CDK14: variants seen among roughly 807,000 people sequenced by gnomAD.
CDK14 encodes cyclin dependent kinase 14.
A neutral mutation model predicts 60.7 loss-of-function variants in CDK14; 34 were observed. The observed-to-expected ratio is 0.56, with a 90% CI of 0.43 to 0.75. CDK14 has a LOEUF of 0.75. Among genes scored for constraint, CDK14 ranks in the 30% least tolerant of loss-of-function variants. The pLI is 0.00. For synonymous variants in CDK14, 197 were observed against 203.7 expected, an observed-to-expected ratio of 0.97 and a Z score of 0.28; for missense variants, 482 against 564.1, an observed-to-expected ratio of 0.85 and a Z score of 1.47.
chr7:90,952,915 T>A (rs1794303957), intron 8 of CDK14, among the ~76,000 whole-genome samples: 1 of 152,230 alleles, frequency 6.6e-6, no homozygotes, highest in African/African-American at 2.4e-5. Flanking sequence ...TGTATAAACA[T>A]ATAGCAATAT....
chr7:90,869,875 T>C (rs766753095), intron 6 of CDK14, among the ~76,000 whole-genome samples: 8 of 152,208 alleles, frequency 5.3e-5, no homozygotes, highest in Non-Finnish European at 1.2e-4. Context: ...GTCTCTTGCT[T>C]TGCTGGCCTT....
intron 2 of CDK14, among the ~76,000 whole-genome samples, chr7:90,660,407 G>A (rs1800845321): frequency 6.6e-6 from 1 of 152,068 alleles, no homozygotes; most frequent in South Asian, 2.1e-4. Context: ...CTGTAAGATG[G>A]GAATAATAAT....
Position 90,788,189 on chromosome 7 carries a change from G to A in CDK14, c.465-2384G>A, listed in dbSNP as rs752670479. 5.1e-4 allele frequency among the ~76,000 whole-genome samples: 77 copies of A among 152,150 alleles called. 2 individuals carry two copies. The highest frequency in any genetic ancestry group is 9.8e-4 in the Admixed American group (15 of 15,264). On this transcript the variant is annotated intron_variant, in intron 4 of 14. Coordinates refer to ENST00000380050, the MANE Select transcript of CDK14 (RefSeq NM_001287135.2). ...TTTTATGGGTGAGGGGAAAATATCT[G>A]TAAATGAGGGGAAAATTCCAAGCAG...
chr7:91,182,540 A>C (rs1443886091), intron 14 of CDK14, among the ~76,000 whole-genome samples: 1 of 152,034 alleles, frequency 6.6e-6, no homozygotes, highest in East Asian at 1.9e-4. Flanking sequence ...CTTAATGGAA[A>C]GTAAAACATA....
chr7:90,859,208 C>T (rs73401829), intron 5 of CDK14, among the ~76,000 whole-genome samples: 3,374 of 152,248 alleles, frequency 0.022, 116 homozygotes, highest in African/African-American at 0.076. Context: ...CCTTCCCCAC[C>T]GATCAGTTAT....
At chr7:91,095,855 C>T (rs542715585) in intron 12 of CDK14, among the ~76,000 whole-genome samples, 17 of 151,872 alleles carry the variant, frequency 1.1e-4, no homozygotes, top group Middle Eastern at 3.4e-3. Context: ...TTTCTACTTT[C>T]CCAAAATTAT....
intron 14 of CDK14, among the ~76,000 whole-genome samples, chr7:91,183,471 T>C (rs1047191355): frequency 6.6e-6 from 1 of 152,300 alleles, no homozygotes; most frequent in Admixed American, 6.5e-5. Context: ...GACTGGCAGG[T>C]CTTTGCTTTT....
At chr7:90,717,706 C>A (rs1402790524) in intron 2 of CDK14, among the ~76,000 whole-genome samples, 1 of 152,028 alleles carries the variant, frequency 6.6e-6, no homozygotes, top group Non-Finnish European at 1.5e-5. Flanking sequence ...AATGTAGTTT[C>A]TCAGGACTAA....
intron 10 of CDK14, among the ~76,000 whole-genome samples, chr7:90,989,673 A>G (rs1795476912): frequency 6.6e-6 from 1 of 152,070 alleles, no homozygotes; most frequent in African/African-American, 2.4e-5. Flanking sequence ...AAAATACTGA[A>G]CGCTAAGAGT....
intron 4 of CDK14, among the ~76,000 whole-genome samples, chr7:90,749,687 C>T (rs1390046530): frequency 6.6e-6 from 1 of 152,214 alleles, no homozygotes; most frequent in African/African-American, 2.4e-5. Context: ...ACTTACACTC[C>T]TGGATTAGGA....
At chr7:91,131,085 G>GT (rs746418453) in intron 14 of CDK14, among the ~76,000 whole-genome samples, 2 of 150,882 alleles carry the variant, frequency 1.3e-5, no homozygotes, top group African/African-American at 4.9e-5. Flanking sequence ...GTGTTCTTTA[G>GT]TTTTTTATTT....
At chr7:90,851,773 T>TG (rs1204657172) in intron 5 of CDK14, among the ~76,000 whole-genome samples, 3 of 122,208 alleles carry the variant, frequency 2.5e-5, no homozygotes, top group Non-Finnish European at 5.7e-5. Flanking sequence ...CTTGAATACC[T>TG]GTTTTTTTTT....
At chr7:91,024,719 C>T (rs1796527912) in intron 10 of CDK14, among the ~76,000 whole-genome samples, 1 of 152,172 alleles carries the variant, frequency 6.6e-6, no homozygotes, top group South Asian at 2.1e-4. Context: ...GCACTCTAAT[C>T]GTAGTGCCTT....
intron 4 of CDK14, among the ~76,000 whole-genome samples, chr7:90,770,586 C>T (rs1394415447): frequency 6.6e-6 from 1 of 152,188 alleles, no homozygotes; most frequent in Non-Finnish European, 1.5e-5. Flanking sequence ...CATTACTTAA[C>T]TGGATTAATT....
intron 2 of CDK14, among the ~76,000 whole-genome samples, chr7:90,660,131 A>C (rs1800839442): frequency 1.3e-5 from 2 of 152,192 alleles, no homozygotes; most frequent in African/African-American, 2.4e-5. Flanking sequence ...GGATCCATGC[A>C]TAATCATTTT....
intron 10 of CDK14, among the ~76,000 whole-genome samples, chr7:90,990,958 A>T (rs1054613108): frequency 2.0e-5 from 3 of 152,190 alleles, no homozygotes; most frequent in African/African-American, 7.2e-5. Flanking sequence ...CATAGCCCCT[A>T]CTTGCTTCGA....
chr7:91,057,991 T>A (rs910304338), intron 11 of CDK14, among the ~76,000 whole-genome samples: 1 of 152,050 alleles, frequency 6.6e-6, no homozygotes, highest in Admixed American at 6.5e-5. Context: ...ATAAATTACC[T>A]TGGGCAGTAT....
chr7:90,623,617 G>T (rs774254299), intron 2 of CDK14, among the ~76,000 whole-genome samples: 1 of 151,786 alleles, frequency 6.6e-6, no homozygotes, highest in South Asian at 2.1e-4. Flanking sequence ...TGAATATCAG[G>T]TTTTTTTTCA....
intron 3 of CDK14, among the ~76,000 whole-genome samples, chr7:90,731,753 G>A (rs1019533018): frequency 1.4e-4 from 21 of 152,064 alleles, no homozygotes; most frequent in African/African-American, 5.1e-4. Flanking sequence ...GAGATGATGG[G>A]GTTTTCTAAA....
Sources: gnomAD v4.1 joint callset for allele counts (sites outside exome capture counted in the v4.1 genomes callset) on GRCh38, gnomAD v4.1.1 for gene constraint, MANE v1.5 for transcripts, NCBI Gene and HGNC (gene_info 2026-07-23, HGNC 2026-07-21) for gene names.